The following CLASP1 variants were observed in gnomAD, a reference collection of about 807,000 sequenced individuals.
The protein encoded by CLASP1 is cytoplasmic linker associated protein 1, also known as CLIP-associating protein 1.
CLASP1 carries 38 observed loss-of-function variants against 192.3 expected under a neutral mutation model. The ratio of observed to expected loss-of-function variants is 0.20; its 90% CI spans 0.15 to 0.26. CLASP1 has a LOEUF of 0.26. CLASP1 is among the 10% of genes least tolerant of loss of function. The pLI is 1.00. For missense variants in CLASP1, 1,433 were observed against 1,932.5 expected, an observed-to-expected ratio of 0.74 and a Z score of 4.85; for synonymous variants, 691 against 712.8, an observed-to-expected ratio of 0.97 and a Z score of 0.49.
chr2:121,649,091 A>T (rs1042365530), intron 1 of CLASP1, among the ~76,000 whole-genome samples: 24 of 152,262 alleles, frequency 1.6e-4, no homozygotes, highest in Admixed American at 1.5e-3. Flanking sequence ...AAAGGGAAAC[A>T]GAGAGGGGCA....
chr2:121,531,070 C>A (rs563037982), intron 2 of CLASP1: 4 of 690,376 alleles, frequency 5.8e-6, no homozygotes. Flanking sequence ...TAAACTAGTA[C>A]TTTGTGGTTA....
At chr2:121,645,095 C>T (rs2072928670) in intron 1 of CLASP1, among the ~76,000 whole-genome samples, 1 of 152,138 alleles carries the variant, frequency 6.6e-6, no homozygotes, top group Non-Finnish European at 1.5e-5. Context: ...TTATTGTCTC[C>T]CTAACTAGAC....
intron 2 of CLASP1, among the ~76,000 whole-genome samples, chr2:121,576,144 A>C (rs1348914479): frequency 6.6e-6 from 1 of 152,260 alleles, no homozygotes; most frequent in Non-Finnish European, 1.5e-5. Flanking sequence ...GATTTTACTG[A>C]GTAACAACTA....
intron 1 of CLASP1, among the ~76,000 whole-genome samples, chr2:121,641,440 G>C (rs1451349679): frequency 6.6e-6 from 1 of 151,964 alleles, no homozygotes; most frequent in Non-Finnish European, 1.5e-5. Context: ...CTAGAAGGTA[G>C]GCCACAAAAA....
At chr2:121,530,684 T>C (rs1353424380) in intron 2 of CLASP1, 1 of 520,344 alleles carries the variant, frequency 1.9e-6, no homozygotes, top group African/African-American at 1.9e-5. Flanking sequence ...CGCGCGGTCT[T>C]CTGGGTAAAA....
At chr2:121,431,365 A>G (rs2081364562) in intron 19 of CLASP1, among the ~76,000 whole-genome samples, 1 of 152,230 alleles carries the variant, frequency 6.6e-6, no homozygotes. Context: ...CTCACAGCAT[A>G]TAAAGTAATC....
chr2:121,541,683 C>T (rs2095237719), intron 2 of CLASP1, among the ~76,000 whole-genome samples: 1 of 152,210 alleles, frequency 6.6e-6, no homozygotes, highest in South Asian at 2.1e-4. Flanking sequence ...AAAAAAAGCA[C>T]TGGCTTTGTA....
chr2:121,628,030 C>T (rs994409398), intron 1 of CLASP1, among the ~76,000 whole-genome samples: 7 of 152,182 alleles, frequency 4.6e-5, no homozygotes, highest in African/African-American at 1.7e-4. Flanking sequence ...CAAGCTCATA[C>T]ACTTTAAGTC....
intron 37 of CLASP1, among the ~76,000 whole-genome samples, chr2:121,349,783 G>A (rs114436263): frequency 0.015 from 2,337 of 152,262 alleles, 57 homozygotes; most frequent in African/African-American, 0.052. Context: ...CCTCTGGAGG[G>A]CCACAAGACC....
chr2:121,539,754 T>C lies in CLASP1; in HGVS notation c.196-9429A>G, dbSNP rs550541832. On this transcript the variant is annotated intron_variant, in intron 2 of 39. Transcript: ENST00000263710. ...ACAACAGGCTTGTTTCTAGAATATA[T>C]AAAGGTGCTCTACAAAGCAACTGAT... Among the ~76,000 whole-genome samples the C allele has an allele frequency of 3.3e-5, 5 of 152,256 alleles. No individual in the cohort carries two copies. In the South Asian group the frequency reaches 1.0e-3, roughly 32 times the overall value.
chr2:121,433,211 A>G (rs2081745211), intron 19 of CLASP1, among the ~76,000 whole-genome samples: 1 of 151,992 alleles, frequency 6.6e-6, no homozygotes, highest in South Asian at 2.1e-4. Flanking sequence ...AATCCCAGCT[A>G]CTTGGAAGGC....
chr2:121,475,686 AT>A (rs2091508386), intron 8 of CLASP1, among the ~76,000 whole-genome samples: 1 of 152,220 alleles, frequency 6.6e-6, no homozygotes, highest in African/African-American at 2.4e-5. Context: ...AAAAATGAGT[AT>A]TTTTAACTGC....
intron 4 of CLASP1, among the ~76,000 whole-genome samples, 167 bp from the exon 5 acceptor site, chr2:121,528,057 T>C (rs1215541849): frequency 6.6e-6 from 1 of 152,236 alleles, no homozygotes; most frequent in Non-Finnish European, 1.5e-5. Context: ...ACATCTATCA[T>C]GTTATCAAGT....
At chr2:121,412,523 G>C (rs2077888094) in intron 23 of CLASP1, among the ~76,000 whole-genome samples, 1 of 149,330 alleles carries the variant, frequency 6.7e-6, no homozygotes, top group Admixed American at 6.7e-5. Context: ...ATGAGTAACA[G>C]AATGAAAGTA....
intron 2 of CLASP1, among the ~76,000 whole-genome samples, chr2:121,543,880 T>C (rs114899245): frequency 1.5e-4 from 23 of 152,278 alleles, no homozygotes; most frequent in African/African-American, 4.3e-4. Context: ...TAGGAAATCA[T>C]GGGGCAGTGA....
intron 1 of CLASP1, among the ~76,000 whole-genome samples, chr2:121,610,650 A>G (rs2065206031): frequency 9.0e-6 from 1 of 111,566 alleles, no homozygotes; most frequent in Non-Finnish European, 1.8e-5. Context: ...TACAGGAGGA[A>G]GAGGAACTGG....
At chr2:121,430,169 G>A (rs1374006665) in exon 20 of CLASP1, 19 of 1,565,250 alleles carry the variant, frequency 1.2e-5, no homozygotes, top group East Asian at 4.8e-5. Context: ...CGTCTTGTGC[G>A]GATCCGACCT....
chr2:121,509,888 C>A (rs950422562), intron 7 of CLASP1, among the ~76,000 whole-genome samples: 7 of 152,064 alleles, frequency 4.6e-5, no homozygotes, highest in African/African-American at 1.4e-4. Context: ...TGAAACCATA[C>A]AAATTATGTT....
intron 34 of CLASP1, among the ~76,000 whole-genome samples, chr2:121,376,529 G>C (rs1050550382): frequency 3.3e-4 from 50 of 151,304 alleles, no homozygotes; most frequent in African/African-American, 1.2e-3. Context: ...GAAGGGGTGG[G>C]GGGGGGGTCG....
Sources: allele counts gnomAD v4.1 joint callset (sites outside exome capture counted in the v4.1 genomes callset), GRCh38; gene constraint gnomAD v4.1.1; transcripts MANE v1.5; gene names NCBI Gene and HGNC (gene_info 2026-07-23, HGNC 2026-07-21).